Variants in NCKAP5 observed in about 807,000 individuals in gnomAD.
The protein encoded by NCKAP5 is NCK associated protein 5, also known as nck-associated protein 5.
In NCKAP5, 92 loss-of-function variants were observed where a neutral mutation model predicts 167.0. The ratio of observed to expected loss-of-function variants is 0.55; its 90% CI spans 0.47 to 0.66. The LOEUF (loss-of-function observed/expected upper bound fraction) is 0.66. Among genes scored for constraint, NCKAP5 ranks in the 30% least tolerant of loss-of-function variants. NCKAP5 has a pLI of 0.00. For synonymous variants in NCKAP5, 891 were observed against 877.4 expected, an observed-to-expected ratio of 1.02 and a Z score of -0.27; for missense variants, 2,378 against 2,315.0, an observed-to-expected ratio of 1.03 and a Z score of -0.56.
intron 11 of NCKAP5, among the ~76,000 whole-genome samples, chr2:132,825,723 T>C (rs1418244991): frequency 6.6e-6 from 1 of 152,360 alleles, no homozygotes; most frequent in Non-Finnish European, 1.5e-5. Flanking sequence ...CTGGTCTTAC[T>C]GTGAGATGGG....
chr2:132,787,076 G>T (rs79662008), intron 13 of NCKAP5, among the ~76,000 whole-genome samples: 7,687 of 152,208 alleles, frequency 0.051, 390 homozygotes, highest in East Asian at 0.13. Context: ...TGGGCCAGGC[G>T]CAGTGGCTCA....
Position 133,551,215 on chromosome 2 carries a change from A to C in NCKAP5, c.-62+7835T>G, listed in dbSNP as rs1286434347. ...TGCCATCCCCATCAAGCTACCAATGACTTTCTTCACAGAATTGGAAAAAAC... is the reference window on the plus strand; with the variant it reads ...TGCCATCCCCATCAAGCTACCAATGCCTTTCTTCACAGAATTGGAAAAAAC... On this transcript the variant is annotated intron_variant, in intron 2 of 19. Transcript: ENST00000409261. Among the ~76,000 whole-genome samples the C allele has an allele frequency of 1.3e-4, 20 of 151,896 alleles. 1 individual carries two copies. The highest frequency in any genetic ancestry group is 2.4e-4 in the African/African-American group (10 of 41,394).
intron 3 of NCKAP5, among the ~76,000 whole-genome samples, chr2:133,391,781 C>G (rs1653349966): frequency 6.6e-6 from 1 of 152,104 alleles, no homozygotes; most frequent in African/African-American, 2.4e-5. Flanking sequence ...CCAGGGTAAA[C>G]TGTCTCAAGG....
intron 1 of NCKAP5, 51 bp downstream of exon 1, chr2:133,568,165 A>C (rs1285543550): frequency 6.6e-6 from 1 of 152,208 alleles, no homozygotes; most frequent in Non-Finnish European, 1.5e-5. Context: ...AAGCTGTATA[A>C]ATAAGAAAAA....
intron 4 of NCKAP5, among the ~76,000 whole-genome samples, chr2:133,281,326 TA>T (rs2089928121): frequency 6.6e-6 from 1 of 152,236 alleles, no homozygotes; most frequent in Non-Finnish European, 1.5e-5. Flanking sequence ...TTCAAAATTA[TA>T]TTTTTTTCAA....
chr2:132,691,424 C>T (rs898367962), intron 19 of NCKAP5, among the ~76,000 whole-genome samples: 1 of 152,152 alleles, frequency 6.6e-6, no homozygotes, highest in African/African-American at 2.4e-5. Flanking sequence ...CACTATTTCT[C>T]TTCCTCTCTG....
At chr2:133,375,685 C>T (rs1025868905) in intron 3 of NCKAP5, among the ~76,000 whole-genome samples, 1 of 152,182 alleles carries the variant, frequency 6.6e-6, no homozygotes, top group African/African-American at 2.4e-5. Context: ...TAAGTGAGAA[C>T]ATGAGGTATG....
At chr2:132,957,425 T>C (rs1252394411) in intron 8 of NCKAP5, among the ~76,000 whole-genome samples, 2 of 152,206 alleles carry the variant, frequency 1.3e-5, no homozygotes, top group African/African-American at 4.8e-5. Context: ...AAATTCTGAC[T>C]CTCTCACTGA....
At chr2:133,046,090 T>C (rs957842304) in intron 6 of NCKAP5, among the ~76,000 whole-genome samples, 5 of 152,190 alleles carry the variant, frequency 3.3e-5, no homozygotes, top group Non-Finnish European at 7.3e-5. Context: ...AGAGTGCCAT[T>C]TAAAACTGAT....
At chr2:133,618,919 T>G in the NCKAP5 span, among the ~76,000 whole-genome samples, 4 of 146,124 alleles carry the variant, frequency 2.7e-5, no homozygotes, top group Admixed American at 2.1e-4. Flanking sequence ...TGTCCAACAA[T>G]GATAGACTGA....
chr2:132,717,931 G>A (rs1013184026), intron 19 of NCKAP5, among the ~76,000 whole-genome samples: 2 of 152,098 alleles, frequency 1.3e-5, no homozygotes, highest in Admixed American at 1.3e-4. Context: ...CCTTTGTTGT[G>A]GTGATCTATA....
intron 3 of NCKAP5, among the ~76,000 whole-genome samples, chr2:133,330,123 G>T (rs1682743049): frequency 7.5e-6 from 1 of 133,026 alleles, no homozygotes; most frequent in Admixed American, 8.5e-5. Context: ...CTGGAGAGCA[G>T]TGGTGCAATC....
At chr2:133,572,208 G>C (rs1033806533), upstream of NCKAP5, among the ~76,000 whole-genome samples, 2 of 152,226 alleles carry the variant, frequency 1.3e-5, no homozygotes, top group Admixed American at 1.3e-4. Context: ...ACATTGAAGA[G>C]GAAGTTAGTA....
chr2:133,203,070 G>T (rs1158604151), intron 5 of NCKAP5, among the ~76,000 whole-genome samples: 1 of 152,106 alleles, frequency 6.6e-6, no homozygotes, highest in Non-Finnish European at 1.5e-5. Flanking sequence ...AAATCATGCT[G>T]CTGTAAAGTC....
intron 19 of NCKAP5, among the ~76,000 whole-genome samples, chr2:132,675,679 T>C (rs1684344129): frequency 6.6e-6 from 1 of 152,152 alleles, no homozygotes; most frequent in Non-Finnish European, 1.5e-5. Flanking sequence ...TCATAATTCG[T>C]TGTGAAATGG....
At chr2:132,998,462 A>T (rs2077673449) in intron 6 of NCKAP5, among the ~76,000 whole-genome samples, 1 of 152,190 alleles carries the variant, frequency 6.6e-6, no homozygotes, top group Non-Finnish European at 1.5e-5. Flanking sequence ...CAAGTCTTGG[A>T]ACAGAGTCAC....
chr2:132,708,554 C>A (rs1400916801), intron 19 of NCKAP5, among the ~76,000 whole-genome samples: 2 of 152,224 alleles, frequency 1.3e-5, no homozygotes, highest in South Asian at 2.1e-4. Flanking sequence ...GAGCACCAGG[C>A]AGATTCCTAA....
At chr2:132,884,797 T>A (rs185239611) in intron 8 of NCKAP5, among the ~76,000 whole-genome samples, 1 of 152,118 alleles carries the variant, frequency 6.6e-6, no homozygotes, top group Non-Finnish European at 1.5e-5. Flanking sequence ...AAAACATGTA[T>A]GGAAATAAAG....
At chr2:133,165,804 T>A (rs1312007379) in intron 5 of NCKAP5, among the ~76,000 whole-genome samples, 15 of 152,330 alleles carry the variant, frequency 9.8e-5, no homozygotes, top group Non-Finnish European at 2.1e-4. Flanking sequence ...GTAGAAATCC[T>A]AAGCCTTTTG....
Sources: gnomAD v4.1 joint callset for allele counts (sites outside exome capture counted in the v4.1 genomes callset) on GRCh38, gnomAD v4.1.1 for gene constraint, MANE v1.5 for transcripts, NCBI Gene and HGNC (gene_info 2026-07-23, HGNC 2026-07-21) for gene names.